Variants in PDHX observed in about 807,000 individuals in gnomAD.
PDHX encodes the protein pyruvate dehydrogenase complex component X.
PDHX carries 33 observed loss-of-function variants against 55.3 expected under a neutral mutation model. That is an observed-to-expected ratio of 0.60 (90% confidence interval 0.45 to 0.80). The LOEUF (loss-of-function observed/expected upper bound fraction) is 0.80, where lower values mean the gene tolerates loss of function less well. Among genes scored for constraint, PDHX ranks in the 30% least tolerant of loss-of-function variants. The probability of loss-of-function intolerance (pLI) is 0.00; values close to 1 mark genes in which losing one functional copy is unlikely to be tolerated. For missense variants in PDHX, 622 were observed against 619.9 expected, an observed-to-expected ratio of 1.00 and a Z score of -0.04; for synonymous variants, 226 against 219.4, an observed-to-expected ratio of 1.03 and a Z score of -0.27.
At chr11:34,977,341 CAA>C (rs892202299) in intron 7 of PDHX, among the ~76,000 whole-genome samples, 13 of 152,210 alleles carry the variant, frequency 8.5e-5, no homozygotes, top group African/African-American at 2.4e-4. Flanking sequence ...GTGGCAAATG[CAA>C]AGACATAAAC....
intron 10 of PDHX, among the ~76,000 whole-genome samples, 164 bp downstream of exon 10, chr11:34,992,543 G>A (rs1335701814): frequency 2.0e-5 from 3 of 152,056 alleles, no homozygotes; most frequent in Non-Finnish European, 2.9e-5. Context: ...GACTAGTCAG[G>A]CTTTCATATT....
intron 6 of PDHX, among the ~76,000 whole-genome samples, chr11:34,969,125 A>G (rs7936015): frequency 0.047 from 7,199 of 152,218 alleles, 537 homozygotes; most frequent in African/African-American, 0.16. Flanking sequence ...TTGCCCAACT[A>G]TAGGCTAATG....
At chr11:34,975,987 T>TA (rs935611414) in intron 7 of PDHX, among the ~76,000 whole-genome samples, 2 of 152,296 alleles carry the variant, frequency 1.3e-5, no homozygotes, top group East Asian at 3.9e-4. Context: ...GAGAAGTTTC[T>TA]AAAAAATGAA....
At chr11:34,951,049 CTTTTTTTTTTTT>C (rs1179399887) in intron 3 of PDHX, among the ~76,000 whole-genome samples, 6 of 88,598 alleles carry the variant, frequency 6.8e-5, no homozygotes, top group Non-Finnish European at 1.0e-4. Context: ...TGTTTCCTGA[CTTTTTTTTTTTT>C]TTTTTTTTTT....
At chr11:34,928,371 CT>C (rs56697214) in intron 1 of PDHX, among the ~76,000 whole-genome samples, 183 of 140,050 alleles carry the variant, frequency 1.3e-3, no homozygotes, top group Non-Finnish European at 1.2e-3. Flanking sequence ...CACATTGGGA[CT>C]TTTTTTTTTT....
At chr11:34,952,520 G>C (rs1854798936) in intron 3 of PDHX, among the ~76,000 whole-genome samples, 1 of 151,006 alleles carries the variant, frequency 6.6e-6, no homozygotes, top group Non-Finnish European at 1.5e-5. Context: ...TCCCTGGGAT[G>C]CAAGGCTGGT....
rs550158344 is a variant in PDHX, at chr11:34,920,443, A to G, written c.160+3628A>G. ...AGCTAGTAATCTAGGAAGTTATAAA[A>G]GAACACTAGAGCCTACAGTAGGATT... On this transcript the variant is annotated intron_variant, in intron 1 of 10. Coordinates refer to ENST00000227868, the MANE Select transcript of PDHX (RefSeq NM_003477.3). Among the ~76,000 whole-genome samples, 8 of 152,354 alleles carry G rather than the reference A, an allele frequency of 5.3e-5. No individual in the cohort carries two copies. The South Asian group carries it at 1.4e-3, about 28-fold the overall frequency.
At position 34,957,521 on chromosome 11, in the gene PDHX, C is replaced by T; in HGVS notation, c.480C>T (p.Arg160=). The change falls in exon 4 of 11, where the codon CGC becomes CGT. Residue 160 remains arginine (R), a synonymous_variant. Transcript: ENST00000227868. ...CAGTTTCAAAACCTTCAGAGCCTCGCCCCTCACCAGAACCACAGATTTCCA... is the reference window on the plus strand; with the variant it reads ...CAGTTTCAAAACCTTCAGAGCCTCGTCCCTCACCAGAACCACAGATTTCCA... The part of the protein sequence containing the change: ...PPPVSKPSEP[R]PSPEPQISIP... The T allele has an allele frequency of 2.5e-6, 4 of 1,614,030 alleles. No homozygotes were observed. The highest frequency in any genetic ancestry group is 2.5e-6 in the Non-Finnish European group (3 of 1,179,972).
intron 8 of PDHX, among the ~76,000 whole-genome samples, chr11:34,978,782 A>G (rs1855438727): frequency 6.6e-6 from 1 of 152,146 alleles, no homozygotes; most frequent in South Asian, 2.1e-4. Flanking sequence ...GATTTAAATA[A>G]CAGTGGGAGA....
intron 5 of PDHX, among the ~76,000 whole-genome samples, chr11:34,964,529 T>C (rs1442414174): frequency 6.6e-6 from 1 of 151,992 alleles, no homozygotes; most frequent in Non-Finnish European, 1.5e-5. Context: ...TCTTGAACCC[T>C]GGAGGCGGTG....
At chr11:34,935,107 A>G (rs1854278370) in intron 2 of PDHX, among the ~76,000 whole-genome samples, 1 of 152,048 alleles carries the variant, frequency 6.6e-6, no homozygotes, top group Non-Finnish European at 1.5e-5. Context: ...GTGAGGTAAA[A>G]GGTATATGTG....
chr11:34,933,579 C>A (rs1854229181), intron 2 of PDHX, among the ~76,000 whole-genome samples: 1 of 152,144 alleles, frequency 6.6e-6, no homozygotes, highest in Admixed American at 6.6e-5. Context: ...GGTAAATTTT[C>A]TAGCTCTTTC....
intron 9 of PDHX, among the ~76,000 whole-genome samples, chr11:34,990,232 T>G (rs1398697033): frequency 6.6e-6 from 1 of 152,226 alleles, no homozygotes; most frequent in African/African-American, 2.4e-5. Context: ...ATTTTTTTAA[T>G]GAATAGCAAG....
At chr11:34,991,123 A>T (rs978121454) in intron 9 of PDHX, among the ~76,000 whole-genome samples, 1 of 152,224 alleles carries the variant, frequency 6.6e-6, no homozygotes, top group Admixed American at 6.5e-5. Context: ...GGAAAATTTA[A>T]CTAATATGTC....
intron 9 of PDHX, among the ~76,000 whole-genome samples, chr11:34,987,389 T>C (rs954574105): frequency 6.6e-6 from 1 of 152,072 alleles, no homozygotes; most frequent in African/African-American, 2.4e-5. Context: ...TAAGGGGACA[T>C]TGAAGCACAC....
intron 2 of PDHX, among the ~76,000 whole-genome samples, chr11:34,946,952 C>A (rs1854634357): frequency 6.6e-6 from 1 of 152,162 alleles, no homozygotes; most frequent in Non-Finnish European, 1.5e-5. Flanking sequence ...TTTTGAGTTT[C>A]CAGATATTTT....
chr11:34,943,999 A>G (rs1854560223), intron 2 of PDHX, among the ~76,000 whole-genome samples: 1 of 151,498 alleles, frequency 6.6e-6, no homozygotes, highest in African/African-American at 2.4e-5. Context: ...CTTTGCTGTT[A>G]TTACTGTCCA....
intron 8 of PDHX, among the ~76,000 whole-genome samples, chr11:34,980,030 TC>T (rs986123509): frequency 2.6e-5 from 4 of 151,334 alleles, no homozygotes; most frequent in African/African-American, 9.7e-5. Flanking sequence ...TTTTTTTCTT[TC>T]ACCATAATTA....
intron 3 of PDHX, among the ~76,000 whole-genome samples, chr11:34,950,737 G>C (rs1378886051): frequency 6.7e-6 from 1 of 149,970 alleles, no homozygotes; most frequent in Non-Finnish European, 1.5e-5. Flanking sequence ...AGTATTCCAT[G>C]GTGTATATGT....
Sources: allele counts gnomAD v4.1 joint callset (sites outside exome capture counted in the v4.1 genomes callset), GRCh38; gene constraint gnomAD v4.1.1; transcripts MANE v1.5; gene names NCBI Gene and HGNC (gene_info 2026-07-23, HGNC 2026-07-21).